The following ADGRA1 variants were observed in gnomAD, a reference collection of about 807,000 sequenced individuals.
ADGRA1 encodes G-protein coupled receptor 123.
A neutral mutation model predicts 21.3 loss-of-function variants in ADGRA1; 12 were observed. The observed-to-expected ratio is 0.56, with a 90% CI of 0.36 to 0.91. The LOEUF (loss-of-function observed/expected upper bound fraction) is 0.91. ADGRA1 is among the 40% of genes least tolerant of loss of function. The pLI, the probability that ADGRA1 is intolerant of heterozygous loss-of-function variation, is 0.01. For synonymous variants in ADGRA1, 385 were observed against 368.8 expected (o/e 1.04, Z -0.50); for missense variants, 790 against 805.6 (o/e 0.98, Z 0.23).
chr10:133,105,845 C>T (rs927856491), intron 5 of ADGRA1, among the ~76,000 whole-genome samples: 4 of 152,184 alleles, frequency 2.6e-5, no homozygotes, highest in South Asian at 2.1e-4. Flanking sequence ...CTCTGCGGCC[C>T]GAACGTTCCA....
chr10:133,102,431 T>G (rs1591172324), intron 4 of ADGRA1: 1 of 606,284 alleles, frequency 1.6e-6, no homozygotes, highest in East Asian at 3.5e-5. Context: ...GGGGCGTGAG[T>G]GCACAGGCCC....
rs919138467 is a variant in ADGRA1 at position 133,130,755 on chromosome 10, GCACA to G, written c.*1251_*1254del. 3 of 136,368 alleles carry G rather than the reference GCACA, an allele frequency of 2.2e-5. No homozygotes were observed. The allele number at this position is 136,368 out of a possible 1,614,324, so 8.4% of individuals were successfully genotyped here. ...CCAAACACGTGCATATCACACACAT[GCACA>G]CACACAAACACGTGCATATCACACA... On this transcript the variant is annotated 3_prime_UTR_variant, in exon 7 of 7. Coordinates refer to ENST00000392607, the MANE Select transcript of ADGRA1 (RefSeq NM_001083909.3).
intron 5 of ADGRA1, among the ~76,000 whole-genome samples, chr10:133,121,084 G>A (rs752862986): frequency 1.3e-5 from 2 of 152,214 alleles, no homozygotes; most frequent in Non-Finnish European, 2.9e-5. Context: ...TAAGTTCACC[G>A]TCTTATACGG....
intron 5 of ADGRA1, among the ~76,000 whole-genome samples, chr10:133,124,790 G>A (rs931783956): frequency 2.0e-5 from 3 of 152,358 alleles, no homozygotes; most frequent in East Asian, 1.9e-4. Context: ...CACGTCAGGC[G>A]GTGGATGGTG....
chr10:133,088,192 C>T (rs1482877579), intron 1 of ADGRA1, 54 bp downstream of exon 1: 1 of 861,972 alleles, frequency 1.2e-6, no homozygotes, highest in Non-Finnish European at 1.4e-6. Context: ...GGCCGCGGCT[C>T]GGCAGAAAAG....
intron 5 of ADGRA1, among the ~76,000 whole-genome samples, chr10:133,110,361 TG>T (rs1851966399): frequency 2.0e-5 from 3 of 152,274 alleles, no homozygotes; most frequent in African/African-American, 7.2e-5. Flanking sequence ...GGAAGGCAGG[TG>T]CTGCCGTCAG....
rs1329948067 is a variant in ADGRA1, at chr10:133,088,102, G to A, written c.-239G>A. On this transcript the variant is annotated 5_prime_UTR_variant, in exon 1 of 7. Transcript: ENST00000392607. The stretch of plus-strand genomic sequence containing the variant: ...GCAGCGCGTCTGTCTCCGGGAGCGC[G>A]GCCCGGCCGCCCCGGCAGCCGCTTC... The A allele has an allele frequency of 1.0e-6, 1 of 985,064 alleles. No individual in the cohort carries two copies. The highest frequency in any genetic ancestry group is 6.2e-5 in the Admixed American group (1 of 16,248). The allele number at this position is 985,064 out of a possible 1,614,324, so 61.0% of individuals were successfully genotyped here.
chr10:133,102,609 T>A, intron 4 of ADGRA1, 88 bp from the exon 5 acceptor site: 1 of 1,459,276 alleles, frequency 6.9e-7, no homozygotes, highest in Non-Finnish European at 9.2e-7. Context: ...CCGTTCTCAT[T>A]CTTGAAGTTG....
Position 133,126,840 on chromosome 10 carries a change from C to T in ADGRA1, c.402-393C>T, listed in dbSNP as rs377131789. On this transcript the variant is annotated intron_variant, in intron 5 of 6. Transcript: ENST00000392607. ...TGCTGGTCACTGGCCACGCACTACCCGCGGGGAGGGGCCATGACCTGGGGA... is the reference window on the plus strand; with the variant it reads ...TGCTGGTCACTGGCCACGCACTACCTGCGGGGAGGGGCCATGACCTGGGGA... Among the ~76,000 whole-genome samples, 5 of 152,326 alleles carry T rather than the reference C, an allele frequency of 3.3e-5. No individual in the cohort carries two copies. The East Asian group carries it at 5.8e-4, about 18-fold the overall frequency.
intron 5 of ADGRA1, among the ~76,000 whole-genome samples, chr10:133,123,727 C>T (rs1456545497): frequency 6.6e-6 from 1 of 151,376 alleles, no homozygotes; most frequent in Non-Finnish European, 1.5e-5. Context: ...CCCCCCCCGG[C>T]ACCTTCTGGG....
chr10:133,089,704 G>A (rs541974807), intron 2 of ADGRA1, among the ~76,000 whole-genome samples: 8 of 152,334 alleles, frequency 5.3e-5, no homozygotes, highest in East Asian at 1.9e-4. Context: ...CCCAGTGTTC[G>A]CTGCATAAGG....
At chr10:133,108,505 C>T (rs1267462515) in intron 5 of ADGRA1, among the ~76,000 whole-genome samples, 1 of 151,994 alleles carries the variant, frequency 6.6e-6, no homozygotes, top group African/African-American at 2.4e-5. Flanking sequence ...GGACACAGGA[C>T]CCCCCAGGCC....
intron 5 of ADGRA1, among the ~76,000 whole-genome samples, chr10:133,112,241 C>T (rs1486028827): frequency 6.6e-6 from 1 of 152,242 alleles, no homozygotes; most frequent in Non-Finnish European, 1.5e-5. Context: ...TGAATAATGA[C>T]ATCTTAATTT....
At chr10:133,121,637 G>C (rs555069401) in intron 5 of ADGRA1, among the ~76,000 whole-genome samples, 1 of 150,346 alleles carries the variant, frequency 6.7e-6, no homozygotes, top group East Asian at 2.0e-4. Flanking sequence ...ATGTGTGCCA[G>C]TGTGCGTGTG....
At chr10:133,105,265 G>A (rs1591174660) in intron 5 of ADGRA1, among the ~76,000 whole-genome samples, 1 of 152,202 alleles carries the variant, frequency 6.6e-6, no homozygotes, top group African/African-American at 2.4e-5. Flanking sequence ...ACCCTCCGCC[G>A]GGACAGGGCA....
chr10:133,101,923 G>C (rs938225466), intron 4 of ADGRA1, among the ~76,000 whole-genome samples: 1 of 152,234 alleles, frequency 6.6e-6, no homozygotes, highest in African/African-American at 2.4e-5. Flanking sequence ...CTCCTCATCA[G>C]TGAAAATTGA....
At chr10:133,095,299 C>G (rs1190488488) in intron 2 of ADGRA1, among the ~76,000 whole-genome samples, 1 of 152,134 alleles carries the variant, frequency 6.6e-6, no homozygotes, top group Non-Finnish European at 1.5e-5. Context: ...GAGGGTGGGG[C>G]TCTCCTGGGC....
chr10:133,128,255 C>A, intron 6 of ADGRA1, 74 bp from the exon 7 acceptor site: 3 of 1,177,510 alleles, frequency 2.5e-6, no homozygotes, highest in Non-Finnish European at 3.5e-6. Flanking sequence ...GGTGCAGGGC[C>A]CTTTGCTCTG....
At position 133,111,915 on chromosome 10, in the gene ADGRA1, AGACCACCTGCCCGCCG is replaced by A. The variant is rs1330754781; in HGVS notation, c.401+9074_401+9089del. ...CAGACACCTCCCTCCTAATGCCTCCAGACCACCTGCCCGCCGTGAGCACCTCCCTCCTAATCCCTCC... is the reference window on the plus strand; with the variant it reads ...CAGACACCTCCCTCCTAATGCCTCCATGAGCACCTCCCTCCTAATCCCTCC... On this transcript the variant is annotated intron_variant, in intron 5 of 6. Coordinates refer to ENST00000392607, the MANE Select transcript of ADGRA1 (RefSeq NM_001083909.3). Among the ~76,000 whole-genome samples, 4 of 78,656 alleles carry A rather than the reference AGACCACCTGCCCGCCG, an allele frequency of 5.1e-5. 2 individuals are homozygous for A. The highest frequency in any genetic ancestry group is 1.5e-3 in the East Asian group (2 of 1,318). 51.6% of individuals were successfully genotyped at this position (78,656 alleles called of 152,430 possible).
Sources: gnomAD v4.1 joint callset for allele counts (sites outside exome capture counted in the v4.1 genomes callset) on GRCh38, gnomAD v4.1.1 for gene constraint, MANE v1.5 for transcripts, NCBI Gene and HGNC (gene_info 2026-07-23, HGNC 2026-07-21) for gene names.